CYP39A1: variants seen among roughly 807,000 people sequenced by gnomAD.
CYP39A1 encodes 24-hydroxycholesterol 7-alpha-hydroxylase.
CYP39A1 carries 49 observed loss-of-function variants against 58.1 expected under a neutral mutation model. That is an observed-to-expected ratio of 0.84 (90% CI 0.67 to 1.07). CYP39A1 has a LOEUF of 1.07. CYP39A1 is among the 50% of genes least tolerant of loss of function. The pLI, the probability that CYP39A1 is intolerant of heterozygous loss-of-function variation, is 0.00. For missense variants in CYP39A1, 531 were observed against 539.4 expected (o/e 0.98, Z 0.16); for synonymous variants, 209 against 187.6 (o/e 1.11, Z -0.93).
chr6:46,564,321 G>T lies in CYP39A1; in HGVS notation c.1251-10467C>A, dbSNP rs1771162711. ...ATTCTCTCCTGCCTCAGCCTCCCAAGTAGCTGGGATTATAGGCACCCACCA... is the reference window on the plus strand; with the variant it reads ...ATTCTCTCCTGCCTCAGCCTCCCAATTAGCTGGGATTATAGGCACCCACCA... On this transcript the variant is annotated intron_variant, in intron 10 of 11. Coordinates refer to ENST00000275016, the MANE Select transcript of CYP39A1 (RefSeq NM_016593.5). 2.0e-5 allele frequency among the ~76,000 whole-genome samples: 3 copies of T among 151,706 alleles called. No individual in the cohort carries two copies. In the South Asian group the frequency reaches 6.3e-4, roughly 32 times the overall value.
intron 8 of CYP39A1, among the ~76,000 whole-genome samples, chr6:46,590,725 C>G (rs1032724986): frequency 1.5e-4 from 23 of 152,112 alleles, no homozygotes; most frequent in African/African-American, 5.1e-4. Flanking sequence ...AGTATGTTTA[C>G]TTAGTATTAA....
chr6:46,644,889 A>G (rs1479618815), intron 1 of CYP39A1, among the ~76,000 whole-genome samples: 1 of 152,188 alleles, frequency 6.6e-6, no homozygotes, highest in Non-Finnish European at 1.5e-5. Flanking sequence ...TCTAATGACT[A>G]TTGATGTTGA....
intron 10 of CYP39A1, among the ~76,000 whole-genome samples, chr6:46,578,967 G>C (rs1434371377): frequency 6.6e-6 from 1 of 151,918 alleles, no homozygotes; most frequent in South Asian, 2.1e-4. Flanking sequence ...ATTCTATGAG[G>C]ACAGCATCAC....
At chr6:46,595,939 AC>A in intron 8 of CYP39A1, 47 bp downstream of exon 8, 10 of 1,569,278 alleles carry the variant, frequency 6.4e-6, no homozygotes, top group Non-Finnish European at 8.6e-6. Flanking sequence ...CAAAATGTGT[AC>A]TTTTTTTGTA....
chr6:46,610,917 T>G (rs1774178400), intron 7 of CYP39A1, among the ~76,000 whole-genome samples: 1 of 152,200 alleles, frequency 6.6e-6, no homozygotes, highest in Admixed American at 6.5e-5. Flanking sequence ...AAATACCAGT[T>G]AAATGAATAG....
rs566560828 is a variant in CYP39A1, at chr6:46,568,016, G to T, written c.1251-14162C>A. Reference sequence around the variant, plus strand: ...TTTTTTAAAAAAAAAACAGGTGTATGTAACCTTAGTGTTTTTCTCATGGCT... The same window carrying T: ...TTTTTTAAAAAAAAAACAGGTGTATTTAACCTTAGTGTTTTTCTCATGGCT... On this transcript the variant is annotated intron_variant, in intron 10 of 11. Transcript: ENST00000275016. Among the ~76,000 whole-genome samples the T allele has an allele frequency of 3.9e-5, 6 of 152,014 alleles. No homozygotes were observed. The South Asian group carries it at 1.2e-3, about 32-fold the overall frequency.
intron 10 of CYP39A1, among the ~76,000 whole-genome samples, chr6:46,562,717 T>TA (rs1771049247): frequency 1.3e-5 from 2 of 151,980 alleles, no homozygotes; most frequent in African/African-American, 2.4e-5. Context: ...GAATGAATAA[T>TA]AAAAAATTTC....
rs1189161235 is a variant in CYP39A1 at position 46,631,019 on chromosome 6, T to G, written c.784A>C (p.Asn262His). The G allele has an allele frequency of 6.2e-7, 1 of 1,614,062 alleles. No individual in the cohort carries two copies. The highest frequency in any genetic ancestry group is 8.5e-7 in the Non-Finnish European group (1 of 1,180,012). Reference protein sequence around the residue: ...DIVETETSKENSPNYGLLLLW... With the variant: ...DIVETETSKEHSPNYGLLLLW... ...AGTAAGAGCCCATAATTGGGTGAGT[T>G]TTCCTTACTTGTTTCCGTCTCTACA... is the stretch of plus-strand genomic sequence containing the variant. The change falls in exon 6 of 12, where the codon AAC becomes CAC. Residue 262 changes from asparagine to histidine, a missense_variant. Transcript: ENST00000275016.
chr6:46,572,685 A>G (rs1416412807), intron 10 of CYP39A1, among the ~76,000 whole-genome samples: 1 of 152,186 alleles, frequency 6.6e-6, no homozygotes, highest in African/African-American at 2.4e-5. Context: ...TGAGTTTCAC[A>G]GGTGTAAATG....
chr6:46,593,690 A>T (rs1772979205), intron 8 of CYP39A1, among the ~76,000 whole-genome samples: 1 of 152,136 alleles, frequency 6.6e-6, no homozygotes, highest in South Asian at 2.1e-4. Context: ...AGCTGCATAT[A>T]AAAAAGCAAA....
intron 7 of CYP39A1, among the ~76,000 whole-genome samples, chr6:46,607,364 A>T (rs542577702): frequency 8.1e-4 from 114 of 141,018 alleles, no homozygotes; most frequent in African/African-American, 2.8e-3. Flanking sequence ...TCTTGGGCTT[A>T]AAAAAAAAAA....
intron 10 of CYP39A1, among the ~76,000 whole-genome samples, chr6:46,584,694 G>A (rs1199961611): frequency 6.6e-6 from 1 of 152,066 alleles, no homozygotes. Context: ...TCTCACCACT[G>A]TAATCTGGTC....
At chr6:46,563,951 A>G (rs1487063980) in intron 10 of CYP39A1, among the ~76,000 whole-genome samples, 1 of 152,080 alleles carries the variant, frequency 6.6e-6, no homozygotes, top group Non-Finnish European at 1.5e-5. Context: ...AGAGAGTGAC[A>G]ATCAGATTAT....
chr6:46,650,577 T>C (rs1287209600), intron 1 of CYP39A1, among the ~76,000 whole-genome samples: 1 of 138,374 alleles, frequency 7.2e-6, no homozygotes, highest in Admixed American at 8.0e-5. Flanking sequence ...AATCATAGCT[T>C]ACCGGAATCT....
intron 9 of CYP39A1, 67 bp from the exon 10 acceptor site, chr6:46,587,232 A>C: frequency 5.5e-6 from 6 of 1,081,944 alleles, no homozygotes; most frequent in Non-Finnish European, 5.6e-6. Context: ...TTATTTCTCT[A>C]GGCTAAAAAT....
At chr6:46,622,818 G>A (rs1319828121) in intron 7 of CYP39A1, among the ~76,000 whole-genome samples, 1 of 152,006 alleles carries the variant, frequency 6.6e-6, no homozygotes, top group Non-Finnish European at 1.5e-5. Flanking sequence ...CTTCACAAAG[G>A]AGCCCCAAAA....
chr6:46,612,589 G>A (rs1326178482), intron 7 of CYP39A1, among the ~76,000 whole-genome samples: 1 of 152,212 alleles, frequency 6.6e-6, no homozygotes, highest in Non-Finnish European at 1.5e-5. Context: ...AGCTAGGCTA[G>A]CAAAGGTAAA....
chr6:46,582,260 C>T (rs544338056), intron 10 of CYP39A1, among the ~76,000 whole-genome samples: 2 of 152,246 alleles, frequency 1.3e-5, no homozygotes, highest in African/African-American at 4.8e-5. Flanking sequence ...TAAATTTGCT[C>T]ACTCCTTAAA....
In CYP39A1 at chr6:46,578,349, T is replaced by C. The variant is rs147870366; in HGVS notation, c.1250+8728A>G. Among the ~76,000 whole-genome samples the C allele has an allele frequency of 3.4e-4, 52 of 152,066 alleles. No homozygotes were observed. The East Asian group carries it at 8.5e-3, about 25-fold the overall frequency. ...GAAAGATCTCAAATTAACAATCTAA[T>C]ATCACCTATGGGAACTAGAAAACCA... On this transcript the variant is annotated intron_variant, in intron 10 of 11. Transcript: ENST00000275016.
Sources: gnomAD v4.1 joint callset for allele counts (sites outside exome capture counted in the v4.1 genomes callset) on GRCh38, gnomAD v4.1.1 for gene constraint, MANE v1.5 for transcripts, NCBI Gene and HGNC (gene_info 2026-07-23, HGNC 2026-07-21) for gene names.